ABCC3: variants seen among roughly 807,000 people sequenced by gnomAD.
The protein encoded by ABCC3 is ATP binding cassette subfamily C member 3.
Under a neutral mutation model 165.3 loss-of-function variants are expected in ABCC3, and 121 were observed. That is an observed-to-expected ratio of 0.73 (90% CI 0.63 to 0.85). The LOEUF is 0.85. ABCC3 is among the 40% of genes least tolerant of loss of function. ABCC3 has a pLI of 0.00. For synonymous variants in ABCC3, 733 were observed against 810.1 expected (o/e 0.90, Z 1.62); for missense variants, 1,869 against 1,964.1 (o/e 0.95, Z 0.92).
chr17:50,658,596 C>CCTA lies in ABCC3; in HGVS notation c.674+100_674+101insCTA, dbSNP rs1458453234. ...GCAGCAGTTTAGGGACCGGGCTGGC[C>CCTA]ACCTATCCCACCCCCCACCGCAGTG... On this transcript the variant is annotated intron_variant, in intron 6 of 30. Transcript: ENST00000285238. 2.5e-5 allele frequency: 32 copies of CCTA among 1,278,310 alleles called. 1 individual carries two copies. The highest frequency in any genetic ancestry group is 2.3e-6 in the Non-Finnish European group (2 of 879,424). 79.2% of individuals were successfully genotyped at this position (1,278,310 alleles called of 1,614,324 possible).
intron 27 of ABCC3, 21 bp downstream of exon 27, chr17:50,683,777 C>T: frequency 6.3e-7 from 1 of 1,596,106 alleles, no homozygotes. Context: ...GGTAGGCGGG[C>T]CTGCGTGTGT....
At chr17:50,672,860 C>T in intron 17 of ABCC3, 111 bp from the exon 18 acceptor site, 1 of 948,596 alleles carries the variant, frequency 1.1e-6, no homozygotes, top group Non-Finnish European at 1.5e-6. Context: ...TGAGTGAGAC[C>T]CCATCTCAGG....
intron 1 of ABCC3, among the ~76,000 whole-genome samples, chr17:50,644,607 G>A (rs1258665301): frequency 2.6e-5 from 4 of 152,160 alleles, no homozygotes. Context: ...AGCTACTTGG[G>A]AGGCTGAGAC....
intron 1 of ABCC3, among the ~76,000 whole-genome samples, chr17:50,655,404 C>CAAAA (rs58586394): frequency 0.19 from 10,745 of 56,084 alleles, 2,039 homozygotes; most frequent in South Asian, 0.22. Context: ...GACTCTGTCT[C>CAAAA]AAAAAAAAAA....
At chr17:50,673,975 T>C (rs1967722563) in intron 19 of ABCC3, among the ~76,000 whole-genome samples, 19 of 12,222 alleles carry the variant, frequency 1.6e-3, no homozygotes, top group African/African-American at 3.4e-3. Context: ...TTTCTTTCTT[T>C]CTTTCTCTCT....
chr17:50,646,870 ACTT>A (rs1266064539), intron 1 of ABCC3, among the ~76,000 whole-genome samples: 4 of 152,192 alleles, frequency 2.6e-5, no homozygotes, highest in South Asian at 4.2e-4. Context: ...CTTAAGTGTG[ACTT>A]CTTCTTTTTA....
intron 2 of ABCC3, 87 bp from the exon 3 acceptor site, chr17:50,656,615 T>C: frequency 6.6e-7 from 1 of 1,517,774 alleles, no homozygotes; most frequent in Middle Eastern, 1.8e-4. Context: ...TAGTGGATTC[T>C]GGTGGCTTCA....
At chr17:50,680,927 A>T (rs1989226) in intron 26 of ABCC3, among the ~76,000 whole-genome samples, 151,903 of 152,292 alleles carry the variant, frequency 1, 75,757 homozygotes, top group East Asian at 1. Context: ...ATACAAAAAA[A>T]TAGCTGGGCG....
intron 27 of ABCC3, 37 bp downstream of exon 27, chr17:50,683,793 T>C (rs369629330): frequency 9.9e-5 from 158 of 1,588,864 alleles, no homozygotes; most frequent in Non-Finnish European, 1.4e-4. Flanking sequence ...TGTGTGTTCA[T>C]GCCTGCAGAC....
chr17:50,673,958 T>TTC (rs750608984), intron 19 of ABCC3, among the ~76,000 whole-genome samples: 5 of 15,912 alleles, frequency 3.1e-4, no homozygotes, highest in Admixed American at 8.3e-4. Context: ...CTTTCTTTCT[T>TTC]TCTTTCTTTC....
chr17:50,663,383 C>T (rs555855699), intron 8 of ABCC3: 99 of 410,468 alleles, frequency 2.4e-4, no homozygotes, highest in Non-Finnish European at 4.0e-4. Context: ...CATTTCTTCC[C>T]GCCATATGTC....
rs1967351582 is a variant in ABCC3 at position 50,660,469 on chromosome 17, G to A, written c.807-454G>A. Among the ~76,000 whole-genome samples the A allele has an allele frequency of 2.0e-5, 3 of 152,176 alleles. No homozygotes were observed. The South Asian group carries it at 6.2e-4, about 31-fold the overall frequency. On this transcript the variant is annotated intron_variant, in intron 7 of 30. Coordinates refer to ENST00000285238, the MANE Select transcript of ABCC3 (RefSeq NM_003786.4). ...AGCCTGGGGCTGGGCATGGTTAGCA[G>A]TATCCTGGCTTTCATGGCTTGGAGC...
At chr17:50,669,578 C>T (rs113393039) in intron 17 of ABCC3, 50 bp downstream of exon 17, 87 of 1,587,224 alleles carry the variant, frequency 5.5e-5, no homozygotes, top group Non-Finnish European at 7.0e-5. Context: ...GAGCTGCCCA[C>T]CTCAACCCAG....
At chr17:50,663,916 G>T (rs765441579) in intron 9 of ABCC3, 34 bp from the exon 10 acceptor site, 1 of 1,614,186 alleles carries the variant, frequency 6.2e-7, no homozygotes, top group Non-Finnish European at 8.5e-7. Context: ...CAAGAGGCTC[G>T]CAGCCAAGTC....
intron 2 of ABCC3, 135 bp downstream of exon 2, chr17:50,656,143 T>G: frequency 1.4e-6 from 1 of 723,218 alleles, no homozygotes; most frequent in Non-Finnish European, 1.9e-6. Flanking sequence ...TGGAGTGCAG[T>G]GGCATGATCT....
At chr17:50,679,713 A>G (rs1450094345) in intron 25 of ABCC3, 85 bp from the exon 26 acceptor site, 3 of 1,289,518 alleles carry the variant, frequency 2.3e-6, no homozygotes, top group Admixed American at 3.5e-5. Flanking sequence ...GGATGGGCAC[A>G]TGATCCAGGA....
intron 19 of ABCC3, among the ~76,000 whole-genome samples, chr17:50,673,913 T>C (rs991717345): frequency 1.6e-4 from 2 of 12,436 alleles, no homozygotes; most frequent in African/African-American, 4.3e-4. Flanking sequence ...TCTTTCTTTC[T>C]TTCTTTCTTT....
intron 30 of ABCC3, among the ~76,000 whole-genome samples, chr17:50,690,347 G>C (rs1032499287): frequency 6.6e-6 from 1 of 152,064 alleles, no homozygotes; most frequent in Non-Finnish European, 1.5e-5. Flanking sequence ...CGGGAGGGGA[G>C]GGGGGGCGGT....
intron 1 of ABCC3, among the ~76,000 whole-genome samples, chr17:50,646,304 C>T (rs1967000611): frequency 6.6e-6 from 1 of 152,010 alleles, no homozygotes; most frequent in African/African-American, 2.4e-5. Context: ...AGCAAGGAGG[C>T]CAGTGGCTGG....
Sources: gnomAD v4.1 joint callset for allele counts (sites outside exome capture counted in the v4.1 genomes callset) on GRCh38, gnomAD v4.1.1 for gene constraint, MANE v1.5 for transcripts, NCBI Gene and HGNC (gene_info 2026-07-23, HGNC 2026-07-21) for gene names.